Variants in MYOM2 observed in about 807,000 individuals in gnomAD.
The protein encoded by MYOM2 is myomesin-2.
In MYOM2, 254 loss-of-function variants were observed where a neutral mutation model predicts 187.6. The observed-to-expected ratio is 1.35, with a 90% CI of 1.22 to 1.50. The LOEUF (loss-of-function observed/expected upper bound fraction) is 1.50, where lower values mean the gene tolerates loss of function less well. Among genes scored for constraint, MYOM2 ranks in the 40% most tolerant of loss-of-function variants. The pLI, the probability that MYOM2 is intolerant of heterozygous loss-of-function variation, is 0.00. For synonymous variants in MYOM2, 981 were observed against 753.8 expected (o/e 1.30, Z -4.94); for missense variants, 2,796 against 1,924.0 (o/e 1.45, Z -8.48).
chr8:2,124,260 A>C (rs759862345), intron 31 of MYOM2, 43 bp downstream of exon 31: 4 of 1,571,498 alleles, frequency 2.5e-6, no homozygotes, highest in Non-Finnish European at 3.5e-6. Context: ...TGGGGTGCTG[A>C]AATCACTATT....
intron 3 of MYOM2, among the ~76,000 whole-genome samples, chr8:2,056,803 T>C (rs1051106246): frequency 2.6e-5 from 4 of 152,194 alleles, no homozygotes; most frequent in East Asian, 1.9e-4. Flanking sequence ...CTAACAGTTT[T>C]GAGTCTCAGA....
At chr8:2,070,713 C>T (rs552287488) in intron 8 of MYOM2, among the ~76,000 whole-genome samples, 1 of 152,342 alleles carries the variant, frequency 6.6e-6, no homozygotes, top group Admixed American at 6.5e-5. Context: ...TGTTCACCAC[C>T]CGTGTTTGAC....
intron 31 of MYOM2, chr8:2,127,641 GCCGCAGGCAGGCAGTACC>G (rs1797698450): frequency 5.2e-5 from 8 of 153,958 alleles, no homozygotes; most frequent in Non-Finnish European, 1.2e-4. Context: ...CGGTGACGCA[GCCGCAGGCAGGCAGTACC>G]TCGGCGTGAC....
At chr8:2,077,805 G>C (rs574576646) in intron 11 of MYOM2, among the ~76,000 whole-genome samples, 47 of 152,322 alleles carry the variant, frequency 3.1e-4, no homozygotes, top group Admixed American at 1.6e-3. Flanking sequence ...ATTTGGAAGT[G>C]GGGGGTGCAG....
intron 1 of MYOM2, among the ~76,000 whole-genome samples, chr8:2,047,045 C>G (rs1156857999): frequency 6.6e-6 from 1 of 152,168 alleles, no homozygotes; most frequent in Admixed American, 6.5e-5. Flanking sequence ...ATTTGAGTTG[C>G]TCAACCAGTA....
At chr8:2,128,146 A>G (rs185648211) in intron 31 of MYOM2, among the ~76,000 whole-genome samples, 97 of 152,328 alleles carry the variant, frequency 6.4e-4, no homozygotes, top group Non-Finnish European at 6.6e-4. Context: ...AGAGAAATTA[A>G]TGAGTTTCCA....
rs1450968883 is a variant in MYOM2 at position 2,088,367 on chromosome 8, G to A, written c.1645-1641G>A. 2.0e-5 allele frequency among the ~76,000 whole-genome samples: 3 copies of A among 152,230 alleles called. No individual in the cohort carries two copies. The East Asian group carries it at 5.8e-4, about 29-fold the overall frequency. On this transcript the variant is annotated intron_variant, in intron 14 of 36. Transcript: ENST00000262113. ...TGTTGTGTGATACTGATTTCGAGGTGCAGTTGATCTCGTCACCCAGGTAGT... is the reference window on the plus strand; with the variant it reads ...TGTTGTGTGATACTGATTTCGAGGTACAGTTGATCTCGTCACCCAGGTAGT...
chr8:2,110,562 T>C (rs964318301), intron 25 of MYOM2, among the ~76,000 whole-genome samples: 1 of 152,156 alleles, frequency 6.6e-6, no homozygotes, highest in Non-Finnish European at 1.5e-5. Context: ...AGTGGTGGCT[T>C]GGGGCTCTCT....
rs543700994 is a variant in MYOM2 at position 2,108,791 on chromosome 8, G to C, written c.3004G>C (p.Glu1002Gln). The change falls in exon 24 of 37, where the codon GAG becomes CAG. Residue 1002 changes from glutamate to glutamine, a missense_variant. Transcript: ENST00000262113. ...ATACTTTTTCTTCGTTTTAGAGCTC[G>C]AGCGTTTGATGGCATTGAGCAATGA... is the stretch of plus-strand genomic sequence containing the variant. ...SSFVLDPEEL[E>Q]RLMALSNEIK... 5.6e-6 allele frequency: 9 copies of C among 1,613,652 alleles called. No individual in the cohort carries two copies. In the South Asian group the frequency reaches 6.6e-5, roughly 12 times the overall value.
chr8:2,095,929 A>G (rs1796466460), intron 17 of MYOM2, among the ~76,000 whole-genome samples: 1 of 152,224 alleles, frequency 6.6e-6, no homozygotes, highest in Admixed American at 6.5e-5. Context: ...AGGGGCCGAG[A>G]AGACAGAACA....
At chr8:2,093,631 C>T (rs117742309) in intron 16 of MYOM2, among the ~76,000 whole-genome samples, 3,566 of 152,298 alleles carry the variant, frequency 0.023, 49 homozygotes, top group Middle Eastern at 0.041. Flanking sequence ...GTAATTACTG[C>T]TAATTAAGTT....
intron 3 of MYOM2, among the ~76,000 whole-genome samples, chr8:2,053,574 G>A (rs532895233): frequency 1.3e-5 from 2 of 152,328 alleles, no homozygotes; most frequent in Admixed American, 1.3e-4. Context: ...GATTCATATG[G>A]TTTTGGCAGC....
intron 6 of MYOM2, among the ~76,000 whole-genome samples, chr8:2,061,823 G>A (rs2129330955): frequency 6.6e-6 from 1 of 152,358 alleles, no homozygotes; most frequent in African/African-American, 2.4e-5. Context: ...CCTTGGCCCT[G>A]CTCACAGAGA....
intron 5 of MYOM2, among the ~76,000 whole-genome samples, chr8:2,058,052 T>A (rs1818733543): frequency 7.8e-6 from 1 of 127,736 alleles, no homozygotes; most frequent in Admixed American, 1.0e-4. Context: ...GGAGTCTCGC[T>A]CTGTTGCCCA....
chr8:2,097,574 G>A (rs1389150756), intron 18 of MYOM2, among the ~76,000 whole-genome samples: 1 of 152,124 alleles, frequency 6.6e-6, no homozygotes, highest in Non-Finnish European at 1.5e-5. Context: ...GAGTGCAGTG[G>A]CACGATCTCG....
intron 34 of MYOM2, 77 bp downstream of exon 34, chr8:2,141,254 C>T (rs1798265052): frequency 7.6e-7 from 1 of 1,321,800 alleles, no homozygotes; most frequent in Non-Finnish European, 1.1e-6. Context: ...ATGTGGGAAT[C>T]TGTATGGAAG....
At chr8:2,129,095 T>C (rs761164202) in intron 31 of MYOM2, 32 bp from the exon 32 acceptor site, 2 of 1,532,904 alleles carry the variant, frequency 1.3e-6, no homozygotes, top group Admixed American at 1.7e-5. Context: ...GCACTCCTTT[T>C]CCTAGATCTG....
chr8:2,144,804 C>T lies in MYOM2; in HGVS notation c.4221C>T (p.Gly1407=), dbSNP rs201012252. The change falls in exon 37 of 37, where the codon GGC becomes GGT. Residue 1407 remains glycine (G), a synonymous_variant. Coordinates refer to ENST00000262113, the MANE Select transcript of MYOM2 (RefSeq NM_003970.4). Reference sequence around the variant, plus strand: ...AGTACGTCAGCATGACCATCAAAGGCGTGACCTCCGAGGACTCGGGCAAGT... The same window carrying T: ...AGTACGTCAGCATGACCATCAAAGGTGTGACCTCCGAGGACTCGGGCAAGT... ...QAKYVSMTIK[G]VTSEDSGKYS... 1 of 1,614,130 alleles carries T rather than the reference C, an allele frequency of 6.2e-7. No homozygotes were observed. The highest frequency in any genetic ancestry group is 1.3e-5 in the African/African-American group (1 of 75,044).
intron 8 of MYOM2, among the ~76,000 whole-genome samples, chr8:2,071,094 A>G (rs931870628): frequency 2.6e-5 from 4 of 151,900 alleles, no homozygotes; most frequent in African/African-American, 9.7e-5. Flanking sequence ...CAACCTCCCA[A>G]ATAGCTGGGA....
Sources: allele counts gnomAD v4.1 joint callset (sites outside exome capture counted in the v4.1 genomes callset), GRCh38; gene constraint gnomAD v4.1.1; transcripts MANE v1.5; gene names NCBI Gene and HGNC (gene_info 2026-07-23, HGNC 2026-07-21).